Variants in GLI2 observed in about 807,000 individuals in gnomAD.
GLI2 encodes the protein transcription activator GLI2.
In GLI2, 22 loss-of-function variants were observed where a neutral mutation model predicts 78.9. That is an observed-to-expected ratio of 0.28 (90% CI 0.20 to 0.40). GLI2 has a LOEUF of 0.40. GLI2 is among the 10% of genes least tolerant of loss of function. GLI2 has a pLI of 1.00. For missense variants in GLI2, 2,097 were observed against 2,213.2 expected, an observed-to-expected ratio of 0.95 and a Z score of 1.05; for synonymous variants, 974 against 963.7, an observed-to-expected ratio of 1.01 and a Z score of -0.20.
At chr2:120,933,324 G>T (rs963088438) in intron 3 of GLI2, among the ~76,000 whole-genome samples, 90 of 152,198 alleles carry the variant, frequency 5.9e-4, no homozygotes, top group African/African-American at 2.1e-3. Context: ...GGTTCCAGGG[G>T]AGGAAAGTCA....
At chr2:120,926,107 A>G (rs1679657998) in intron 2 of GLI2, among the ~76,000 whole-genome samples, 1 of 150,068 alleles carries the variant, frequency 6.7e-6, no homozygotes, top group African/African-American at 2.5e-5. Context: ...AAAGATTTAA[A>G]TGGTAAATTT....
intron 2 of GLI2, among the ~76,000 whole-genome samples, chr2:120,905,764 C>T (rs1005287409): frequency 6.6e-6 from 1 of 152,172 alleles, no homozygotes; most frequent in Non-Finnish European, 1.5e-5. Context: ...CTTGTTATTC[C>T]ATCAGGACCC....
chr2:120,929,382 CA>C (rs1452506798), intron 3 of GLI2, among the ~76,000 whole-genome samples: 2 of 152,200 alleles, frequency 1.3e-5, no homozygotes, highest in Admixed American at 1.3e-4. Flanking sequence ...ATCATATTTT[CA>C]TCCGTTAACT....
intron 5 of GLI2, among the ~76,000 whole-genome samples, chr2:120,961,906 A>G (rs1185470577): frequency 1.3e-5 from 2 of 152,166 alleles, no homozygotes; most frequent in Admixed American, 6.5e-5. Context: ...CAAACCTAAA[A>G]TAACCCAGCC....
At chr2:120,948,775 C>T (rs1680838152) in intron 3 of GLI2, among the ~76,000 whole-genome samples, 1 of 152,194 alleles carries the variant, frequency 6.6e-6, no homozygotes, top group Admixed American at 6.5e-5. Context: ...GGGAGGCTGG[C>T]ATTCCCGGGA....
At chr2:120,796,253 G>A (rs1212576619) in intron 1 of GLI2, among the ~76,000 whole-genome samples, 1 of 151,994 alleles carries the variant, frequency 6.6e-6, no homozygotes, top group African/African-American at 2.4e-5. Flanking sequence ...CTGTAGCCTG[G>A]TCTGTTGGCT....
At chr2:120,953,689 G>A (rs923843034) in intron 4 of GLI2, among the ~76,000 whole-genome samples, 1 of 152,172 alleles carries the variant, frequency 6.6e-6, no homozygotes, top group Non-Finnish European at 1.5e-5. Flanking sequence ...TTGCAGTGTA[G>A]CCCATGAAGA....
At chr2:120,862,406 G>C (rs193297814) in intron 2 of GLI2, among the ~76,000 whole-genome samples, 2 of 152,206 alleles carry the variant, frequency 1.3e-5, no homozygotes, top group African/African-American at 4.8e-5. Context: ...AGGCCTTGCC[G>C]TCTGGGGGCT....
chr2:120,968,138 T>A (rs1311892504), intron 5 of GLI2, among the ~76,000 whole-genome samples: 1 of 152,184 alleles, frequency 6.6e-6, no homozygotes, highest in Non-Finnish European at 1.5e-5. Context: ...TCTTACAAAC[T>A]GACCATGTGG....
chr2:120,747,682 C>T (rs1039732151), intron 1 of GLI2, among the ~76,000 whole-genome samples: 1 of 152,192 alleles, frequency 6.6e-6, no homozygotes, highest in Non-Finnish European at 1.5e-5. Context: ...ATTTTCAGCC[C>T]AAATGTCAGC....
intron 5 of GLI2, among the ~76,000 whole-genome samples, chr2:120,967,081 G>C (rs1681894062): frequency 6.6e-6 from 1 of 152,222 alleles, no homozygotes; most frequent in Admixed American, 6.5e-5. Context: ...TCATAAGCCT[G>C]GGAACAGCCA....
At chr2:120,797,160 T>G (rs1010452684) in intron 1 of GLI2, 131 bp from the exon 2 acceptor site, 2 of 736,764 alleles carry the variant, frequency 2.7e-6, no homozygotes. Context: ...AATTAAACCC[T>G]CCTTCCCAAT....
At chr2:120,856,647 AG>A (rs1687657943) in intron 2 of GLI2, among the ~76,000 whole-genome samples, 1 of 152,030 alleles carries the variant, frequency 6.6e-6, no homozygotes, top group Non-Finnish European at 1.5e-5. Flanking sequence ...CGGAACCTCC[AG>A]GGCCCCCTAA....
intron 2 of GLI2, among the ~76,000 whole-genome samples, chr2:120,894,060 G>GC (rs1677817371): frequency 6.6e-6 from 1 of 152,196 alleles, no homozygotes; most frequent in Non-Finnish European, 1.5e-5. Flanking sequence ...GAAGGCTGAG[G>GC]CCCGAGAGGC....
At chr2:120,827,026 A>G (rs1243422523) in intron 2 of GLI2, among the ~76,000 whole-genome samples, 2 of 152,168 alleles carry the variant, frequency 1.3e-5, no homozygotes, top group African/African-American at 4.8e-5. Flanking sequence ...CCATGGGTCC[A>G]TGAGGGACTG....
At chr2:120,762,900 C>T (rs995356429) in intron 1 of GLI2, among the ~76,000 whole-genome samples, 4 of 152,164 alleles carry the variant, frequency 2.6e-5, no homozygotes, top group African/African-American at 9.7e-5. Context: ...GAAGTTTCGG[C>T]GCTGAAGGGA....
chr2:120,987,537 A>G (rs1385213577), intron 13 of GLI2, among the ~76,000 whole-genome samples: 2 of 152,214 alleles, frequency 1.3e-5, no homozygotes, highest in Non-Finnish European at 2.9e-5. Context: ...CTGTGAGATC[A>G]TCCTGGGCTC....
chr2:120,786,969 A>G (rs1397509584), intron 1 of GLI2, among the ~76,000 whole-genome samples: 1 of 152,226 alleles, frequency 6.6e-6, no homozygotes, highest in Admixed American at 6.5e-5. Context: ...TTATGTGTTC[A>G]GTTCGTCTCT....
intron 2 of GLI2, 53 bp downstream of exon 2, chr2:120,797,521 C>A: frequency 1.3e-6 from 2 of 1,555,388 alleles, no homozygotes; most frequent in Non-Finnish European, 1.8e-6. Flanking sequence ...TTCATTAGCC[C>A]GTTAGGATTT....
Sources: gnomAD v4.1 joint callset for allele counts (sites outside exome capture counted in the v4.1 genomes callset) on GRCh38, gnomAD v4.1.1 for gene constraint, MANE v1.5 for transcripts, NCBI Gene and HGNC (gene_info 2026-07-23, HGNC 2026-07-21) for gene names.